SIGLEC8: variants seen among roughly 807,000 people sequenced by gnomAD.
SIGLEC8 encodes the protein sialic acid binding Ig like lectin 8, also known as sialic acid-binding Ig-like lectin 8.
Under a neutral mutation model 42.1 loss-of-function variants are expected in SIGLEC8, and 32 were observed. That is an observed-to-expected ratio of 0.76 (90% CI 0.57 to 1.02). SIGLEC8 has a LOEUF of 1.02. Among genes scored for constraint, SIGLEC8 ranks in the 50% least tolerant of loss-of-function variants. The probability of loss-of-function intolerance (pLI) is 0.00; values close to 1 mark genes in which losing one functional copy is unlikely to be tolerated. For synonymous variants in SIGLEC8, 262 were observed against 260.3 expected (o/e 1.01, Z -0.06); for missense variants, 611 against 610.2 (o/e 1.00, Z -0.01).
At chr19:51,456,720 G>T (rs956422640) in intron 3 of SIGLEC8, among the ~76,000 whole-genome samples, 18 of 152,278 alleles carry the variant, frequency 1.2e-4, no homozygotes, top group African/African-American at 3.9e-4. Flanking sequence ...CCGTGGAGGG[G>T]GATGGGCACT....
At chr19:51,457,873 G>A (rs548221371) in intron 1 of SIGLEC8, 61 bp downstream of exon 1, 1 of 1,577,504 alleles carries the variant, frequency 6.3e-7, no homozygotes, top group Admixed American at 1.7e-5. Flanking sequence ...CCCCATCCCA[G>A]CCCTGCCTTT....
At chr19:51,456,523 C>T (rs770852889) in intron 3 of SIGLEC8, among the ~76,000 whole-genome samples, 6 of 152,320 alleles carry the variant, frequency 3.9e-5, no homozygotes, top group East Asian at 1.9e-4. Flanking sequence ...ACAGTTTCTG[C>T]GGAAGGATAT....
chr19:51,455,168 C>T lies in SIGLEC8; in HGVS notation c.1051+250G>A, dbSNP rs142979507. Among the ~76,000 whole-genome samples, 6 of 152,302 alleles carry T rather than the reference C, an allele frequency of 3.9e-5. No individual in the cohort carries two copies. The East Asian group carries it at 9.6e-4, about 24-fold the overall frequency. ...CTAGTCTAAGCACTGCAAAGCAAGG[C>T]GCTTGTCCCTCCAAACACACCTGGC... is the stretch of plus-strand genomic sequence containing the variant. On this transcript the variant is annotated intron_variant, in intron 4 of 6. Coordinates refer to ENST00000321424, the MANE Select transcript of SIGLEC8 (RefSeq NM_014442.3).
rs777343194 is a variant in SIGLEC8, at chr19:51,458,423, G to T, written c.-36C>A. 5 of 1,590,794 alleles carry T rather than the reference G, an allele frequency of 3.1e-6. No individual in the cohort carries two copies. The highest frequency in any genetic ancestry group is 3.4e-6 in the Non-Finnish European group (4 of 1,167,186). On this transcript the variant is annotated 5_prime_UTR_variant, in exon 1 of 7. Coordinates refer to ENST00000321424, the MANE Select transcript of SIGLEC8 (RefSeq NM_014442.3). ...GAAGGCGCCAGGGCCGCCAGGGAACGTCTGTTCCTCAGGGTTCTTCTCTCA... is the reference window on the plus strand; with the variant it reads ...GAAGGCGCCAGGGCCGCCAGGGAACTTCTGTTCCTCAGGGTTCTTCTCTCA...
chr19:51,452,755 G>T, intron 6 of SIGLEC8, 122 bp from the exon 7 acceptor site: 1 of 902,208 alleles, frequency 1.1e-6, no homozygotes, highest in Non-Finnish European at 1.5e-6. Flanking sequence ...TTTTGTCGAA[G>T]TGTCTTTCAT....
chr19:51,452,532 G>A lies in SIGLEC8; in HGVS notation c.1347C>T (p.Thr449=). The change falls in exon 7 of 7, where the codon ACC becomes ACT. Residue 449 remains threonine, a synonymous_variant. Transcript: ENST00000321424. Reference sequence around the variant, plus strand: ...GAGGCTTCACTTTATGGAAGCTGAGGGTTGCATAATGGAGCTCTCCTTCCT... The same window carrying A: ...GAGGCTTCACTTTATGGAAGCTGAGAGTTGCATAATGGAGCTCTCCTTCCT... The part of the protein sequence containing the change: ...SGEEGELHYA[T]LSFHKVKPQD... 1 of 1,599,372 alleles carries A rather than the reference G, an allele frequency of 6.3e-7. No homozygotes were observed. The highest frequency in any genetic ancestry group is 8.6e-7 in the Non-Finnish European group (1 of 1,167,704).
rs372921808 is a variant in SIGLEC8, at chr19:51,454,193, G to A, written c.1245+26C>T. The A allele has an allele frequency of 3.2e-5, 52 of 1,613,582 alleles. No individual in the cohort carries two copies. In the Admixed American group the frequency reaches 6.3e-4, roughly 20 times the overall value. On this transcript the variant is annotated intron_variant, in intron 6 of 6. Coordinates refer to ENST00000321424, the MANE Select transcript of SIGLEC8 (RefSeq NM_014442.3). The surrounding 1 kb of genome is among the most constrained non-coding windows in gnomAD (Gnocchi z 4.7). ...TCAGAGGTGTCCAGGCTGGATGCTC[G>A]GTGTGGAGAAGCCCACATCACTCAC... is the stretch of plus-strand genomic sequence containing the variant.
rs1989369244 is a variant in SIGLEC8, at chr19:51,451,791, A to G, written c.*588T>C. 1 of 152,304 alleles carries G rather than the reference A, an allele frequency of 6.6e-6. No homozygotes were observed. The highest frequency in any genetic ancestry group is 2.1e-4 in the South Asian group (1 of 4,836). 9.4% of individuals were successfully genotyped at this position (152,304 alleles called of 1,614,324 possible). A position where few individuals can be genotyped will look rare whatever the true frequency, so the allele number is the denominator to read the frequency against. ...CAATGCAAGCTGGGTGCGGTGGCTC[A>G]TGCCTGAAATCCCAGCACTTTGGGA... On this transcript the variant is annotated 3_prime_UTR_variant, in exon 7 of 7. Coordinates refer to ENST00000321424, the MANE Select transcript of SIGLEC8 (RefSeq NM_014442.3).
chr19:51,456,623 A>G (rs1156381289), intron 3 of SIGLEC8, among the ~76,000 whole-genome samples: 1 of 152,218 alleles, frequency 6.6e-6, no homozygotes, highest in African/African-American at 2.4e-5. Flanking sequence ...CGGGGTGGAC[A>G]GTCTCACTAC....
chr19:51,455,032 G>GT (rs1428869412), intron 4 of SIGLEC8, among the ~76,000 whole-genome samples: 1 of 152,188 alleles, frequency 6.6e-6, no homozygotes, highest in Non-Finnish European at 1.5e-5. Flanking sequence ...TTCAATTTTA[G>GT]TTTTTTCAAA....
chr19:51,451,554 A>T lies in SIGLEC8; in HGVS notation c.*825T>A, dbSNP rs1345599294. On this transcript the variant is annotated 3_prime_UTR_variant, in exon 7 of 7. Transcript: ENST00000321424. ...CCTGCTGATTGCTTGACTCAGTGCT[A>T]GATGAGAGAAGAGACCTCAGAATCG... 2 of 152,178 alleles carry T rather than the reference A, an allele frequency of 1.3e-5. No homozygotes were observed. The highest frequency in any genetic ancestry group is 2.4e-5 in the African/African-American group (1 of 41,434). The allele number at this position is 152,178 out of a possible 1,614,324, so 9.4% of individuals were successfully genotyped here.
At chr19:51,455,221 C>T (rs1337566899) in intron 4 of SIGLEC8, among the ~76,000 whole-genome samples, 197 bp downstream of exon 4, 1 of 152,154 alleles carries the variant, frequency 6.6e-6, no homozygotes, top group Admixed American at 6.5e-5. Flanking sequence ...CCTCCAAGAC[C>T]CACTCCTCCC....
rs1438645293 is a variant in SIGLEC8 at position 51,458,293 on chromosome 19, T to C, written c.95A>G (p.Gln32Arg). 1 of 1,614,138 alleles carries C rather than the reference T, an allele frequency of 6.2e-7. No homozygotes were observed. Among genetic ancestry groups the C allele is most frequent in the Admixed American group, 1.7e-5 (1 of 60,026 alleles). ...GCCCTCCTGCACCGTCACCAGCTCC[T>C]GCACTTGCAGCAAGTAACCATCCCC... is the stretch of plus-strand genomic sequence containing the variant. ...QYGDGYLLQV[Q>R]ELVTVQEGLC... Residue 32 changes from glutamine to arginine, a missense_variant, in exon 1 of 7, where the codon CAG becomes CGG. By Grantham distance (43) the Gln-to-Arg change is conservative. Coordinates refer to ENST00000321424, the MANE Select transcript of SIGLEC8 (RefSeq NM_014442.3).
Position 51,454,826 on chromosome 19 carries a change from G to C in SIGLEC8, c.1052-46C>G, listed in dbSNP as rs774360597. On this transcript the variant is annotated intron_variant, in intron 4 of 6. Transcript: ENST00000321424. This position sits in a 1 kb window ranked among gnomAD's most constrained non-coding sequence, Gnocchi z 4.7. ...CTTTGGGGATTTATATCACGGAGAA[G>C]TGGGTCTCTTCCCCTCCCACTGTCT... 2 of 1,431,658 alleles carry C rather than the reference G, an allele frequency of 1.4e-6. No individual in the cohort carries two copies. Among genetic ancestry groups the C allele is most frequent in the Non-Finnish European group, 2.0e-6 (2 of 1,014,406 alleles). The allele number at this position is 1,431,658 out of a possible 1,614,324, so 88.7% of individuals were successfully genotyped here.
rs758247264 is a variant in SIGLEC8, at chr19:51,458,176, T to A, written c.212A>T (p.Asp71Val). The A allele has an allele frequency of 6.2e-7, 1 of 1,614,024 alleles. No individual in the cohort carries two copies. The highest frequency in any genetic ancestry group is 1.1e-5 in the South Asian group (1 of 91,068). Reference sequence around the variant, plus strand: ...CACTGGAGCGTCTTGGTATGGTCTGTCTCCTGCCCGGAACCAGTAGCCATG... The same window carrying A: ...CACTGGAGCGTCTTGGTATGGTCTGACTCCTGCCCGGAACCAGTAGCCATG... ...PVHGYWFRAG[D>V]RPYQDAPVAT... is the part of the protein sequence containing the mutation. The change falls in exon 1 of 7, where the codon GAC (aspartate) becomes GTC (valine). Residue 71 changes from aspartate to valine, a missense_variant. Physicochemically the swap from Asp to Val is radical, Grantham distance 152. Coordinates refer to ENST00000321424, the MANE Select transcript of SIGLEC8 (RefSeq NM_014442.3).
chr19:51,458,362 GGCAGCAGCA>G lies in SIGLEC8; in HGVS notation c.17_25del (p.Leu6_Leu8del), dbSNP rs759624842. The G allele has an allele frequency of 3.2e-5, 52 of 1,612,724 alleles. No homozygotes were observed. Among genetic ancestry groups the G allele is most frequent in the African/African-American group, 9.4e-5 (7 of 74,814 alleles). On this transcript the variant is annotated inframe_deletion, in exon 1 of 7. Coordinates refer to ENST00000321424, the MANE Select transcript of SIGLEC8 (RefSeq NM_014442.3). ...CATCCCCTTTGTCCCCCAGAGCAGGGGCAGCAGCAGCAGCAGCAGCAGCATGTCTGGGTT... is the reference window on the plus strand; with the variant it reads ...CATCCCCTTTGTCCCCCAGAGCAGGGGCAGCAGCAGCAGCATGTCTGGGTT...
Position 51,454,573 on chromosome 19 carries a change from T to C in SIGLEC8, c.1148+111A>G, listed in dbSNP as rs527755931. ...TCACCGTGCACCCGTGAGCTCATTC[T>C]TGCCCCAAGCCCTGGACCCATCCAG... is the stretch of plus-strand genomic sequence containing the variant. On this transcript the variant is annotated intron_variant, in intron 5 of 6. Coordinates refer to ENST00000321424, the MANE Select transcript of SIGLEC8 (RefSeq NM_014442.3). The surrounding 1 kb of genome is among the most constrained non-coding windows in gnomAD (Gnocchi z 4.7). 9 of 1,094,866 alleles carry C rather than the reference T, an allele frequency of 8.2e-6. No individual in the cohort carries two copies. In the East Asian group the frequency reaches 2.1e-4, roughly 26 times the overall value. 67.8% of individuals were successfully genotyped at this position (1,094,866 alleles called of 1,614,324 possible).
rs376966775 is a variant in SIGLEC8 at position 51,454,672 on chromosome 19, G to A, written c.1148+12C>T. The A allele has an allele frequency of 7.3e-5, 117 of 1,603,402 alleles. No individual in the cohort carries two copies. Among genetic ancestry groups the A allele is most frequent in the Admixed American group, 4.2e-4 (25 of 60,002 alleles). ...CCAGGTCTCTCTCTCCCTCCCCAGG[G>A]TCAATGCTCACATGATGAAGATGAT... On this transcript the variant is annotated intron_variant, in intron 5 of 6. Transcript: ENST00000321424. This position sits in a 1 kb window ranked among gnomAD's most constrained non-coding sequence, Gnocchi z 4.7.
In SIGLEC8 at chr19:51,454,843, C is replaced by T. The variant is rs1989452657; in HGVS notation, c.1052-63G>A. The T allele has an allele frequency of 8.4e-7, 1 of 1,194,436 alleles. No homozygotes were observed. Among genetic ancestry groups the T allele is most frequent in the African/African-American group, 1.5e-5 (1 of 66,680 alleles). The allele number at this position is 1,194,436 out of a possible 1,614,324, so 74.0% of individuals were successfully genotyped here. On this transcript the variant is annotated intron_variant, in intron 4 of 6. Transcript: ENST00000321424. The surrounding 1 kb of genome is among the most constrained non-coding windows in gnomAD (Gnocchi z 4.7). Reference sequence around the variant, plus strand: ...ACGGAGAAGTGGGTCTCTTCCCCTCCCACTGTCTGCAGGGCCCTAGACTTC... The same window carrying T: ...ACGGAGAAGTGGGTCTCTTCCCCTCTCACTGTCTGCAGGGCCCTAGACTTC...
Sources: allele counts gnomAD v4.1 joint callset (sites outside exome capture counted in the v4.1 genomes callset), GRCh38; gene constraint gnomAD v4.1.1; non-coding constraint Gnocchi (gnomAD v3.1); transcripts MANE v1.5; gene names NCBI Gene and HGNC (gene_info 2026-07-23, HGNC 2026-07-21).